Variants in CDK2 observed in about 807,000 individuals in gnomAD.
The protein encoded by CDK2 is cyclin-dependent kinase 2.
In CDK2, 8 loss-of-function variants were observed where a neutral mutation model predicts 35.0. The ratio of observed to expected loss-of-function variants is 0.23; its 90% CI spans 0.13 to 0.41. The LOEUF (loss-of-function observed/expected upper bound fraction) is 0.41. Among genes scored for constraint, CDK2 ranks in the 10% least tolerant of loss-of-function variants. The pLI is 1.00. For synonymous variants in CDK2, 134 were observed against 137.7 expected (o/e 0.97, Z 0.19); for missense variants, 201 against 367.1 (o/e 0.55, Z 3.70).
chr12:55,966,930 C>A lies in CDK2; in HGVS notation c.-79C>A. On this transcript the variant is annotated 5_prime_UTR_variant, in exon 1 of 7. Transcript: ENST00000266970. Reference sequence around the variant, plus strand: ...GGCCCTGTTTCCCCCTCCTCGGCCCCCGAGAGCCAGGGTCCGCCTTCTGCA... The same window carrying A: ...GGCCCTGTTTCCCCCTCCTCGGCCCACGAGAGCCAGGGTCCGCCTTCTGCA... The A allele has an allele frequency of 2.4e-6, 3 of 1,228,058 alleles. No individual in the cohort carries two copies. The highest frequency in any genetic ancestry group is 2.3e-6 in the Non-Finnish European group (2 of 859,930). The allele number at this position is 1,228,058 out of a possible 1,614,324, so 76.1% of individuals were successfully genotyped here.
intron 3 of CDK2, 91 bp downstream of exon 3, chr12:55,968,260 C>T (rs1889387072): frequency 7.4e-7 from 1 of 1,360,414 alleles, no homozygotes; most frequent in Non-Finnish European, 1.0e-6. Flanking sequence ...ATTTTGGCCT[C>T]CTTCTGAGCC....
rs148619120 is a variant in CDK2, at chr12:55,971,560, A to G, written c.832A>G (p.Lys278Glu). Reference sequence around the variant, plus strand: ...CGACCCTAACAAGCGGATTTCGGCCAAGGCAGCCCTGGCTCACCCTTTCTT... The same window carrying G: ...CGACCCTAACAAGCGGATTTCGGCCGAGGCAGCCCTGGCTCACCCTTTCTT... ...HYDPNKRISAKAALAHPFFQD... is the reference protein window; with the variant it reads ...HYDPNKRISAEAALAHPFFQD... Residue 278 changes from lysine to glutamate, a missense_variant, in exon 7 of 7, where the codon AAG becomes GAG. This residue lies in a region of CDK2 where 106 missense variants were observed against 141.3 expected (regional missense o/e 0.75). Coordinates refer to ENST00000266970, the MANE Select transcript of CDK2 (RefSeq NM_001798.5). 22 of 1,614,034 alleles carry G rather than the reference A, an allele frequency of 1.4e-5. No individual in the cohort carries two copies. The highest frequency in any genetic ancestry group is 1.9e-5 in the Non-Finnish European group (22 of 1,180,006).
chr12:55,967,100 C>G lies in CDK2; in HGVS notation c.92C>G (p.Ala31Gly). ...ARNKLTGEVVALKKIRLDTET... is the reference protein window; with the variant it reads ...ARNKLTGEVVGLKKIRLDTET... ...AACAAGTTGACGGGAGAGGTGGTGG[C>G]GCTTAAGAAAATCCGCCTGGACACG... Residue 31 changes from alanine to glycine, a missense_variant, in exon 1 of 7, where the codon GCG (alanine) becomes GGG (glycine). This residue lies in a region of CDK2 where 37 missense variants were observed against 108.4 expected (regional missense o/e 0.34). Coordinates refer to ENST00000266970, the MANE Select transcript of CDK2 (RefSeq NM_001798.5). The G allele has an allele frequency of 6.2e-7, 1 of 1,613,282 alleles. No individual in the cohort carries two copies. Among genetic ancestry groups the G allele is most frequent in the Non-Finnish European group, 8.5e-7 (1 of 1,179,590 alleles).
At position 55,971,104 on chromosome 12, in the gene CDK2, C is replaced by T. The variant is rs762222976; in HGVS notation, c.649C>T (p.Arg217Trp). Residue 217 changes from arginine to tryptophan, a missense_variant, in exon 6 of 7, where the codon CGG becomes TGG. Coordinates refer to ENST00000266970, the MANE Select transcript of CDK2 (RefSeq NM_001798.5). ...GATTGACCAGCTCTTCCGGATCTTT[C>T]GGACTCTGGGGACCCCAGATGAGGT... ...SEIDQLFRIF[R>W]TLGTPDEVVW... The T allele has an allele frequency of 1.9e-6, 3 of 1,614,124 alleles. No individual in the cohort carries two copies. The highest frequency in any genetic ancestry group is 2.2e-5 in the East Asian group (1 of 44,880).
chr12:55,970,661 A>T (rs1359953630), intron 5 of CDK2: 3 of 702,244 alleles, frequency 4.3e-6, no homozygotes, highest in Non-Finnish European at 7.8e-6. Flanking sequence ...TGGAAGACAG[A>T]GTCTCTGCCC....
At chr12:55,969,060 C>A in intron 4 of CDK2, 112 bp downstream of exon 4, 1 of 798,622 alleles carries the variant, frequency 1.3e-6, no homozygotes, top group Non-Finnish European at 2.0e-6. Context: ...TAGAAATAAT[C>A]TCTTGACATC....
rs1327719255 is a variant in CDK2, at chr12:55,969,546, C to G, written c.558C>G (p.Ile186Met). 2 of 1,608,698 alleles carry G rather than the reference C, an allele frequency of 1.2e-6. No individual in the cohort carries two copies. Among genetic ancestry groups the G allele is most frequent in the African/African-American group, 2.7e-5 (2 of 74,696 alleles). Reference protein sequence around the residue: ...GCKYYSTAVDIWSLGCIFAEM... With the variant: ...GCKYYSTAVDMWSLGCIFAEM... ...AATATTATTCCACAGCTGTGGACATCTGGAGCCTGGGCTGCATCTTTGCTG... is the reference window on the plus strand; with the variant it reads ...AATATTATTCCACAGCTGTGGACATGTGGAGCCTGGGCTGCATCTTTGCTG... The change falls in exon 5 of 7, where the codon ATC (isoleucine) becomes ATG (methionine). Residue 186 changes from isoleucine to methionine, a missense_variant. By Grantham distance (10) the Ile-to-Met change is conservative. Transcript: ENST00000266970.
chr12:55,968,256 G>A, intron 3 of CDK2, 87 bp downstream of exon 3: 2 of 1,484,380 alleles, frequency 1.3e-6, no homozygotes, highest in East Asian at 2.3e-5. Context: ...TATGATTTTG[G>A]CCTCCTTCTG....
intron 5 of CDK2, chr12:55,970,582 A>G (rs1185370610): frequency 1.4e-6 from 1 of 701,268 alleles, no homozygotes; most frequent in Non-Finnish European, 2.6e-6. Context: ...CAATTCATCA[A>G]AAAATATTTG....
At chr12:55,967,178 C>T in intron 1 of CDK2, 54 bp downstream of exon 1, 3 of 1,340,740 alleles carry the variant, frequency 2.2e-6, no homozygotes, top group African/African-American at 1.4e-5. Context: ...TGATTGTCCC[C>T]CCCAACCCCC....
chr12:55,967,122 C>T lies in CDK2; in HGVS notation c.114C>T (p.Asp38=), dbSNP rs1431923207. The T allele has an allele frequency of 6.2e-7, 1 of 1,607,516 alleles. No homozygotes were observed. Among genetic ancestry groups the T allele is most frequent in the Non-Finnish European group, 8.5e-7 (1 of 1,175,684 alleles). ...EVVALKKIRL[D]TETEGVPSTA... is the part of the protein sequence containing the mutation. ...TGGCGCTTAAGAAAATCCGCCTGGA[C>T]ACGTGAGTGGCCTCTGTACCCGGGA... Residue 38 remains aspartate (D), a splice_region_variant and synonymous_variant, in exon 1 of 7, where the codon GAC becomes GAT. Transcript: ENST00000266970.
rs769212296 is a variant in CDK2, at chr12:55,971,861, C to T, written c.*236C>T. The T allele has an allele frequency of 8.3e-6, 4 of 482,622 alleles. No homozygotes were observed. The highest frequency in any genetic ancestry group is 1.5e-5 in the Non-Finnish European group (4 of 273,452). The allele number at this position is 482,622 out of a possible 1,614,324, so 29.9% of individuals were successfully genotyped here. A position where few individuals can be genotyped will look rare whatever the true frequency, so the allele number is the denominator to read the frequency against. ...AAGTTAGCCTCCACCACCCTTTCCC[C>T]CTTCTCTTAGTTATTGCTGAAGAGG... On this transcript the variant is annotated 3_prime_UTR_variant, in exon 7 of 7. Coordinates refer to ENST00000266970, the MANE Select transcript of CDK2 (RefSeq NM_001798.5).
In CDK2 at chr12:55,971,277, C is replaced by T. The variant is rs765361564; in HGVS notation, c.792+30C>T. Reference sequence around the variant, plus strand: ...GAGTGGGCACCTGTTTTCCCTCATTCATTTCTCCCAGGGAAGGGCTTTTCC... The same window carrying T: ...GAGTGGGCACCTGTTTTCCCTCATTTATTTCTCCCAGGGAAGGGCTTTTCC... On this transcript the variant is annotated intron_variant, in intron 6 of 6. Transcript: ENST00000266970. The T allele has an allele frequency of 3.1e-6, 5 of 1,597,894 alleles. No homozygotes were observed. The Admixed American group carries it at 5.0e-5, about 16-fold the overall frequency.
chr12:55,970,240 G>A (rs1889437370), intron 5 of CDK2, among the ~76,000 whole-genome samples: 1 of 122,882 alleles, frequency 8.1e-6, no homozygotes, highest in Non-Finnish European at 1.6e-5. Context: ...CAGTGACCAA[G>A]ATTGCACCAC....
chr12:55,968,547 A>G (rs1204877884), intron 3 of CDK2, among the ~76,000 whole-genome samples: 1 of 152,100 alleles, frequency 6.6e-6, no homozygotes, highest in Non-Finnish European at 1.5e-5. Context: ...GCTACTTTCA[A>G]TCTATTAACA....
At chr12:55,968,748 A>G in intron 3 of CDK2, 30 bp from the exon 4 acceptor site, 1 of 1,555,196 alleles carries the variant, frequency 6.4e-7, no homozygotes, top group Non-Finnish European at 8.7e-7. Flanking sequence ...TGTAATGGAG[A>G]AACACAGTCC....
At chr12:55,968,016 A>G in intron 2 of CDK2, 33 bp from the exon 3 acceptor site, 1 of 1,614,000 alleles carries the variant, frequency 6.2e-7, no homozygotes, top group East Asian at 2.2e-5. Context: ...TCTCTCTCAC[A>G]CACCTCCATT....
At position 55,971,827 on chromosome 12, in the gene CDK2, G is replaced by A. The variant is rs929832700; in HGVS notation, c.*202G>A. 3.3e-5 allele frequency: 18 copies of A among 551,216 alleles called. No individual in the cohort carries two copies. The highest frequency in any genetic ancestry group is 5.8e-5 in the Non-Finnish European group (18 of 311,330). 34.1% of individuals were successfully genotyped at this position (551,216 alleles called of 1,614,324 possible). A position where few individuals can be genotyped will look rare whatever the true frequency, so the allele number is the denominator to read the frequency against. On this transcript the variant is annotated 3_prime_UTR_variant, in exon 7 of 7. Coordinates refer to ENST00000266970, the MANE Select transcript of CDK2 (RefSeq NM_001798.5). ...AAAATGAAAGGAAGTTTCAGTATTA[G>A]ATGCACTTAAGTTAGCCTCCACCAC...
At chr12:55,967,156 T>G in intron 1 of CDK2, 32 bp downstream of exon 1, 1 of 1,504,090 alleles carries the variant, frequency 6.6e-7, no homozygotes, top group Non-Finnish European at 9.2e-7. Flanking sequence ...GACTCCTAAC[T>G]GGGGACCTCC....
Sources: gnomAD v4.1 joint callset for allele counts (sites outside exome capture counted in the v4.1 genomes callset) on GRCh38, gnomAD v4.1.1 for gene constraint, gnomAD v4.1.1 regional missense constraint, MANE v1.5 for transcripts, NCBI Gene and HGNC (gene_info 2026-07-23, HGNC 2026-07-21) for gene names.